CHM: variants seen among roughly 807,000 people sequenced by gnomAD.
The protein encoded by CHM is rab proteins geranylgeranyltransferase component A 1.
CHM carries 10 observed loss-of-function variants against 49.0 expected under a neutral mutation model. That is an observed-to-expected ratio of 0.20 (90% CI 0.13 to 0.35). CHM has a LOEUF of 0.35. Ranked by LOEUF, CHM falls within the 10% of genes least tolerant of loss-of-function variation. CHM has a pLI of 1.00. For synonymous variants in CHM, 184 were observed against 167.5 expected, an observed-to-expected ratio of 1.10 and a Z score of -0.76; for missense variants, 455 against 478.4, an observed-to-expected ratio of 0.95 and a Z score of 0.46.
At chrX:85,897,337 GTGTGTGTC>G (rs1297755663) in intron 11 of CHM, among the ~76,000 whole-genome samples, 5 of 103,698 alleles carry the variant, frequency 4.8e-5, no homozygotes, top group African/African-American at 1.4e-4. Context: ...GTGTGTGTGT[GTGTGTGTC>G]TGTGTCTGTT....
At chrX:85,895,424 G>A (rs191627175) in intron 11 of CHM, among the ~76,000 whole-genome samples, 2 of 110,841 alleles carry the variant, frequency 1.8e-5, no homozygotes, top group South Asian at 3.8e-4. Flanking sequence ...GATTATAGGC[G>A]TGAGCCACTG....
At chrX:85,972,930 G>T (rs982852055) in intron 4 of CHM, among the ~76,000 whole-genome samples, 21 of 111,948 alleles carry the variant, frequency 1.9e-4, no homozygotes, top group Admixed American at 6.6e-4. Flanking sequence ...CATCGGTATG[G>T]CTATGACATT....
chrX:85,954,790 A>G (rs10482022), intron 8 of CHM, among the ~76,000 whole-genome samples: 24,362 of 107,903 alleles, frequency 0.23, 2,209 homozygotes, highest in Non-Finnish European at 0.25. Context: ...TACTCAGGAG[A>G]CTGAGGCAGG....
chrX:85,923,123 G>C (rs1329594331), intron 8 of CHM, among the ~76,000 whole-genome samples: 3 of 112,086 alleles, frequency 2.7e-5, no homozygotes, highest in African/African-American at 9.7e-5. Flanking sequence ...TAACTCTTGA[G>C]TCAGACTGCC....
At chrX:85,917,437 A>T (rs945694300) in intron 8 of CHM, among the ~76,000 whole-genome samples, 4 of 111,675 alleles carry the variant, frequency 3.6e-5, no homozygotes, top group African/African-American at 1.3e-4. Context: ...TGTAGCCCTG[A>T]ACTTAAAATC....
At chrX:86,003,628 T>C (rs1932792257) in intron 2 of CHM, among the ~76,000 whole-genome samples, 1 of 111,785 alleles carries the variant, frequency 8.9e-6, no homozygotes, top group Admixed American at 9.5e-5. Context: ...CAAGCTTCAA[T>C]AACCGATTTG....
chrX:86,023,671 T>C (rs1349002717), intron 2 of CHM, among the ~76,000 whole-genome samples: 1 of 111,901 alleles, frequency 8.9e-6, no homozygotes, highest in African/African-American at 3.2e-5. Context: ...TGAATGGTGA[T>C]AGTTTAAAAA....
intron 13 of CHM, among the ~76,000 whole-genome samples, chrX:85,874,256 ATAAT>A (rs1406633213): frequency 8.9e-6 from 1 of 111,765 alleles, no homozygotes; most frequent in Non-Finnish European, 1.9e-5. Flanking sequence ...TAAAACTGTT[ATAAT>A]TAAATTTTCT....
In CHM at chrX:85,864,480, A is replaced by G; in HGVS notation, c.*150T>C. On this transcript the variant is annotated 3_prime_UTR_variant, in exon 15 of 15. Transcript: ENST00000357749. Reference sequence around the variant, plus strand: ...GTTGTGTGTTCTTGGAATGTCCTCTATAAGGAAAATCCCCTTTTGGATTTC... The same window carrying G: ...GTTGTGTGTTCTTGGAATGTCCTCTGTAAGGAAAATCCCCTTTTGGATTTC... 1 of 517,657 alleles carries G rather than the reference A, an allele frequency of 1.9e-6. No homozygotes were observed. Among genetic ancestry groups the G allele is most frequent in the South Asian group, 2.7e-5 (1 of 36,717 alleles). 42.7% of individuals were successfully genotyped at this position (517,657 alleles called of 1,213,427 possible).
chrX:85,944,657 A>G (rs1335091833), intron 8 of CHM, among the ~76,000 whole-genome samples: 1 of 112,264 alleles, frequency 8.9e-6, no homozygotes, highest in Non-Finnish European at 1.9e-5. Context: ...CTGCAGAGAA[A>G]AGGGAAGCTT....
At chrX:85,934,134 C>G (rs1317042130) in intron 8 of CHM, among the ~76,000 whole-genome samples, 3 of 109,621 alleles carry the variant, frequency 2.7e-5, no homozygotes, top group African/African-American at 1.0e-4. Flanking sequence ...AGGCCTGCCA[C>G]TACACCAGTT....
intron 9 of CHM, among the ~76,000 whole-genome samples, chrX:85,904,724 C>T (rs1031558270): frequency 1.8e-5 from 2 of 111,681 alleles, no homozygotes; most frequent in Non-Finnish European, 3.8e-5. Context: ...ATTTCAAATG[C>T]TTCCCACTCA....
chrX:86,036,483 G>C (rs935956167), intron 1 of CHM, among the ~76,000 whole-genome samples: 1 of 111,107 alleles, frequency 9.0e-6, no homozygotes, highest in East Asian at 2.9e-4. Flanking sequence ...CTCAGAGACA[G>C]AGCAGGTTGT....
intron 2 of CHM, among the ~76,000 whole-genome samples, chrX:86,015,165 G>C (rs1270011936): frequency 9.0e-6 from 1 of 111,132 alleles, no homozygotes; most frequent in Non-Finnish European, 1.9e-5. Flanking sequence ...CATGTGTTGT[G>C]GGAGGGACCC....
At chrX:85,955,738 A>G (rs5968747) in intron 8 of CHM, among the ~76,000 whole-genome samples, 25,173 of 111,370 alleles carry the variant, frequency 0.23, 2,165 homozygotes, top group Non-Finnish European at 0.25. Flanking sequence ...TCCGAGAGAA[A>G]TTCTTGAACA....
chrX:85,981,617 G>T (rs1249147540), intron 3 of CHM, 120 bp downstream of exon 3: 3 of 517,904 alleles, frequency 5.8e-6, no homozygotes, highest in Non-Finnish European at 9.5e-6. Context: ...TAAAATAAGT[G>T]AATAAAAATA....
chrX:86,024,226 G>A (rs1282051352), intron 2 of CHM, among the ~76,000 whole-genome samples: 1 of 112,356 alleles, frequency 8.9e-6, no homozygotes, highest in African/African-American at 3.2e-5. Context: ...AATATGTTCA[G>A]CTACTGCAAA....
intron 4 of CHM, among the ~76,000 whole-genome samples, chrX:85,967,363 T>C (rs1569230630): frequency 8.9e-6 from 1 of 112,352 alleles, no homozygotes; most frequent in Non-Finnish European, 1.9e-5. Flanking sequence ...TTGAAAACTA[T>C]AAAAACACAT....
Position 86,010,038 on chromosome X carries a change from G to T in CHM, c.116+17453C>A, listed in dbSNP as rs904149260. Among the ~76,000 whole-genome samples, 27 of 109,211 alleles carry T rather than the reference G, an allele frequency of 2.5e-4. No homozygotes were observed. The Admixed American group carries it at 2.6e-3, about 10-fold the overall frequency. The allele number at this position is 109,211 out of a possible 115,157, so 94.8% of individuals were successfully genotyped here. ...AGGATGAGTTCATTTCCTTTGCAGG[G>T]ACATGGATGAAGCTGGAAACCATCA... On this transcript the variant is annotated intron_variant, in intron 2 of 14. Transcript: ENST00000357749.
Sources: allele counts gnomAD v4.1 joint callset (sites outside exome capture counted in the v4.1 genomes callset), GRCh38; gene constraint gnomAD v4.1.1; transcripts MANE v1.5; gene names NCBI Gene and HGNC (gene_info 2026-07-23, HGNC 2026-07-21).